PCDHA12: variants seen among roughly 807,000 people sequenced by gnomAD.
PCDHA12 encodes protocadherin alpha-12.
Under a neutral mutation model 60.0 loss-of-function variants are expected in PCDHA12, and 44 were observed. The observed-to-expected ratio is 0.73, with a 90% confidence interval of 0.58 to 0.94. PCDHA12 has a LOEUF of 0.94. Ranked by LOEUF, PCDHA12 falls within the 40% of genes least tolerant of loss-of-function variation. The pLI, the probability that PCDHA12 is intolerant of heterozygous loss-of-function variation, is 0.00. For synonymous variants in PCDHA12, 569 were observed against 553.0 expected, an observed-to-expected ratio of 1.03 and a Z score of -0.40; for missense variants, 1,276 against 1,239.7, an observed-to-expected ratio of 1.03 and a Z score of -0.44.
At chr5:140,997,142 G>A (rs1038632915) in intron 3 of PCDHA12, among the ~76,000 whole-genome samples, 40 of 151,426 alleles carry the variant, frequency 2.6e-4, no homozygotes, top group African/African-American at 2.7e-4. Flanking sequence ...CCACACCCCC[G>A]CCACAGTGAC....
chr5:140,992,342 T>C (rs2097506091), intron 3 of PCDHA12, among the ~76,000 whole-genome samples: 1 of 152,102 alleles, frequency 6.6e-6, no homozygotes. Flanking sequence ...AAGATGGAAA[T>C]GTGGAGAGAG....
intron 1 of PCDHA12, chr5:140,928,909 C>T (rs1364728842): frequency 1.6e-5 from 26 of 1,614,034 alleles, no homozygotes; most frequent in Non-Finnish European, 2.1e-5. Flanking sequence ...TGTCTGGGAA[C>T]CAGGAGGGCA....
intron 1 of PCDHA12, chr5:140,927,432 C>T: frequency 5.6e-6 from 9 of 1,614,124 alleles, no homozygotes; most frequent in Non-Finnish European, 5.9e-6. Flanking sequence ...TTGACGGCAG[C>T]GAATACCCGG....
intron 1 of PCDHA12, among the ~76,000 whole-genome samples, chr5:140,975,701 T>A (rs2153808072): frequency 6.6e-6 from 1 of 152,358 alleles, no homozygotes; most frequent in East Asian, 1.9e-4. Flanking sequence ...AAACTTATTT[T>A]ACTTTAAATC....
chr5:140,954,282 T>C (rs1554221335), intron 1 of PCDHA12, among the ~76,000 whole-genome samples: 1 of 152,220 alleles, frequency 6.6e-6, no homozygotes. Context: ...TGATTTATAT[T>C]CCTTTGGGTA....
At chr5:140,966,641 A>C in intron 1 of PCDHA12, 5 of 1,104,534 alleles carry the variant, frequency 4.5e-6, no homozygotes, top group Non-Finnish European at 6.0e-6. Flanking sequence ...GGCGCTTTCT[A>C]GAGCGTGAGC....
intron 1 of PCDHA12, chr5:140,927,919 C>G (rs782561454): frequency 6.2e-7 from 1 of 1,614,216 alleles, no homozygotes; most frequent in Non-Finnish European, 8.5e-7. Context: ...ACTGGACTTC[C>G]TGACTCTTTC....
chr5:140,966,234 C>T (rs77272068), intron 1 of PCDHA12: 2,919 of 290,608 alleles, frequency 0.01, 77 homozygotes, highest in African/African-American at 0.056. Context: ...CTTAAAGACC[C>T]GTTAAGCAGG....
chr5:140,902,855 G>A lies in PCDHA12; in HGVS notation c.2367+25016G>A, dbSNP rs137957286. On this transcript the variant is annotated intron_variant, in intron 1 of 3. Coordinates refer to ENST00000398631, the MANE Select transcript of PCDHA12 (RefSeq NM_018903.4). ...GAGTTACTTCACTTAGAAAAATGGC[G>A]TCCAGGTCCACCCAAGCTGCTGCAA... is the stretch of plus-strand genomic sequence containing the variant. Among the ~76,000 whole-genome samples, 742 of 152,204 alleles carry A rather than the reference G, an allele frequency of 4.9e-3. 1 individual carries two copies. The highest frequency in any genetic ancestry group is 7.5e-3 in the Admixed American group (115 of 15,274).
intron 1 of PCDHA12, among the ~76,000 whole-genome samples, chr5:140,904,548 A>T (rs1280388333): frequency 1.3e-5 from 2 of 152,050 alleles, no homozygotes; most frequent in Admixed American, 1.3e-4. Flanking sequence ...TCTTTTTCAT[A>T]TAATGACTTT....
chr5:140,968,029 G>A, intron 1 of PCDHA12: 1 of 1,614,170 alleles, frequency 6.2e-7, no homozygotes, highest in Non-Finnish European at 8.5e-7. Context: ...CCTATACACT[G>A]GTGGTGAGCG....
intron 1 of PCDHA12, chr5:140,884,153 G>T: frequency 6.2e-7 from 1 of 1,613,470 alleles, no homozygotes; most frequent in Non-Finnish European, 8.5e-7. Flanking sequence ...GCTGTACACT[G>T]GCGAGATCAG....
Position 140,917,790 on chromosome 5 carries a change from A to G in PCDHA12, c.2367+39951A>G, listed in dbSNP as rs540599117. The stretch of plus-strand genomic sequence containing the variant: ...GTATTAGTACCATGTTGTTTTGGTT[A>G]CTGTAGCCTTGCAGTATAGTTGAAG... On this transcript the variant is annotated intron_variant, in intron 1 of 3. Coordinates refer to ENST00000398631, the MANE Select transcript of PCDHA12 (RefSeq NM_018903.4). Among the ~76,000 whole-genome samples the G allele has an allele frequency of 4.6e-5, 7 of 152,046 alleles. No homozygotes were observed. In the East Asian group the frequency reaches 1.2e-3, roughly 25 times the overall value.
chr5:140,944,451 T>C (rs6878788), intron 1 of PCDHA12, among the ~76,000 whole-genome samples: 8,488 of 152,228 alleles, frequency 0.056, 701 homozygotes, highest in African/African-American at 0.18. Flanking sequence ...CCTCCCAAAG[T>C]GCTGGGATTA....
rs782597550 is a variant in PCDHA12 at position 140,934,018 on chromosome 5, TG to T, written c.2368-44929del. ...ACCTCTCATTTTTCTTGACTAGACTTGGAAGTAGTTTATTAATGATATTAGT... is the reference window on the plus strand; with the variant it reads ...ACCTCTCATTTTTCTTGACTAGACTTGAAGTAGTTTATTAATGATATTAGT... On this transcript the variant is annotated intron_variant, in intron 1 of 3. Coordinates refer to ENST00000398631, the MANE Select transcript of PCDHA12 (RefSeq NM_018903.4). Among the ~76,000 whole-genome samples the T allele has an allele frequency of 2.6e-4, 40 of 152,182 alleles. 1 individual carries two copies. The highest frequency in any genetic ancestry group is 3.4e-3 in the Middle Eastern group (1 of 294).
chr5:140,978,196 T>C (rs1043778941), intron 1 of PCDHA12, among the ~76,000 whole-genome samples: 1 of 152,190 alleles, frequency 6.6e-6, no homozygotes. Flanking sequence ...ATCTTTTCAA[T>C]ACACAACTAA....
chr5:140,927,948 C>G, intron 1 of PCDHA12: 4 of 1,614,190 alleles, frequency 2.5e-6, no homozygotes, highest in Non-Finnish European at 3.4e-6. Flanking sequence ...TACCTGAGGA[C>G]GCTGCCCCTG....
intron 1 of PCDHA12, among the ~76,000 whole-genome samples, chr5:140,933,676 A>AT (rs1400784175): frequency 6.6e-6 from 1 of 151,552 alleles, no homozygotes; most frequent in Non-Finnish European, 1.5e-5. Context: ...TCTCTCTCAC[A>AT]TTTTTTTTCC....
chr5:140,941,862 T>G (rs1007783083), intron 1 of PCDHA12, among the ~76,000 whole-genome samples: 33 of 152,238 alleles, frequency 2.2e-4, no homozygotes, highest in African/African-American at 7.7e-4. Context: ...TTCCCTATCA[T>G]AGAGTTCTAT....
Sources: allele counts gnomAD v4.1 joint callset (sites outside exome capture counted in the v4.1 genomes callset), GRCh38; gene constraint gnomAD v4.1.1; transcripts MANE v1.5; gene names NCBI Gene and HGNC (gene_info 2026-07-23, HGNC 2026-07-21).